EPB41L3: variants seen among roughly 807,000 people sequenced by gnomAD.
EPB41L3 encodes the protein band 4.1-like protein 3.
In EPB41L3, 57 loss-of-function variants were observed where a neutral mutation model predicts 127.1. That is an observed-to-expected ratio of 0.45 (90% CI 0.36 to 0.56). The LOEUF (loss-of-function observed/expected upper bound fraction) is 0.56, where lower values mean the gene tolerates loss of function less well. EPB41L3 is among the 20% of genes least tolerant of loss of function. The probability of loss-of-function intolerance (pLI) is 0.00; values close to 1 mark genes in which losing one functional copy is unlikely to be tolerated. For synonymous variants in EPB41L3, 572 were observed against 549.5 expected (o/e 1.04, Z -0.57); for missense variants, 1,273 against 1,372.2 (o/e 0.93, Z 1.14).
In EPB41L3 at chr18:5,604,977, C is replaced by T. The variant is rs572038750; in HGVS notation, c.-306+7363G>A. On this transcript the variant is annotated intron_variant, in intron 3 of 21. Transcript: ENST00000545076. ...TGCTAAAAGTGCTGCCAGCAGGTGGCCCTTAGCTGTCAACCATCTGTGGGG... is the reference window on the plus strand; with the variant it reads ...TGCTAAAAGTGCTGCCAGCAGGTGGTCCTTAGCTGTCAACCATCTGTGGGG... 2.6e-5 allele frequency among the ~76,000 whole-genome samples: 4 copies of T among 152,250 alleles called. No homozygotes were observed. The East Asian group carries it at 7.7e-4, about 29-fold the overall frequency.
chr18:5,487,302 T>C (rs117684838), intron 2 of EPB41L3, among the ~76,000 whole-genome samples: 5 of 151,938 alleles, frequency 3.3e-5, no homozygotes, highest in African/African-American at 4.8e-5. Context: ...GGGAGTAGAA[T>C]GGTGATTACG....
At chr18:5,456,807 G>A (rs1044427981) in intron 3 of EPB41L3, among the ~76,000 whole-genome samples, 3 of 152,172 alleles carry the variant, frequency 2.0e-5, no homozygotes, top group East Asian at 1.9e-4. Context: ...TTGCCCAGCC[G>A]TTCCCACTCC....
At chr18:5,540,339 C>A (rs2093685094) in intron 1 of EPB41L3, 1 of 985,124 alleles carries the variant, frequency 1.0e-6, no homozygotes, top group South Asian at 4.7e-5. Flanking sequence ...CCAAACAATA[C>A]CTCGCAATGC....
intron 1 of EPB41L3, among the ~76,000 whole-genome samples, chr18:5,495,116 A>C (rs146235170): frequency 2.6e-5 from 4 of 152,288 alleles, no homozygotes; most frequent in East Asian, 3.9e-4. Flanking sequence ...GTTGACAATA[A>C]AGGGTTGAGA....
intron 11 of EPB41L3, chr18:5,420,125 T>TA (rs1435739677): frequency 1.5e-5 from 10 of 669,558 alleles, no homozygotes; most frequent in Non-Finnish European, 2.4e-5. Context: ...ATGAGTGCTT[T>TA]AAAATTCGTG....
At chr18:5,538,909 C>T (rs1007979376) in intron 1 of EPB41L3, among the ~76,000 whole-genome samples, 4 of 151,824 alleles carry the variant, frequency 2.6e-5, no homozygotes, top group Non-Finnish European at 4.4e-5. Flanking sequence ...AAGAGGACCA[C>T]GCCATTAAAA....
intron 9 of EPB41L3, among the ~76,000 whole-genome samples, chr18:5,425,353 C>G (rs1472111207): frequency 6.6e-6 from 1 of 152,194 alleles, no homozygotes; most frequent in Non-Finnish European, 1.5e-5. Flanking sequence ...CTTATTCACT[C>G]TGGATGTTCA....
Position 5,506,090 on chromosome 18 carries a change from C to G in EPB41L3, c.-11-16896G>C, listed in dbSNP as rs548760571. Among the ~76,000 whole-genome samples, 26 of 152,110 alleles carry G rather than the reference C, an allele frequency of 1.7e-4. No homozygotes were observed. In the South Asian group the frequency reaches 5.4e-3, roughly 32 times the overall value. On this transcript the variant is annotated intron_variant, in intron 1 of 22. Coordinates refer to ENST00000341928, the MANE Select transcript of EPB41L3 (RefSeq NM_012307.5). ...ACATTACTTCCACCACTAGCCATCA[C>G]GCCTTCTCCTCGCCTACCACCTCAC...
Position 5,489,213 on chromosome 18 carries a change from G to A in EPB41L3, c.-11-19C>T, listed in dbSNP as rs748478314. On this transcript the variant is annotated intron_variant, in intron 1 of 22. Transcript: ENST00000341928. ...GATTGTTCTGCAAGCAGAAAAAAGG[G>A]AAGAGCAGGTCACTCCGTGCCACTA... The A allele has an allele frequency of 1.3e-5, 21 of 1,584,184 alleles. No individual in the cohort carries two copies. Among genetic ancestry groups the A allele is most frequent in the Middle Eastern group, 2.1e-4 (1 of 4,752 alleles).
intron 3 of EPB41L3, among the ~76,000 whole-genome samples, chr18:5,599,560 T>G (rs1052112629): frequency 3.3e-5 from 5 of 152,160 alleles, no homozygotes; most frequent in African/African-American, 1.2e-4. Flanking sequence ...CATGAAAGGG[T>G]TAACATCATC....
At chr18:5,441,620 C>T (rs373774435) in intron 5 of EPB41L3, among the ~76,000 whole-genome samples, 4 of 152,172 alleles carry the variant, frequency 2.6e-5, no homozygotes, top group Admixed American at 6.5e-5. Flanking sequence ...CGCACGCCAC[C>T]ATGCCCGGCT....
At chr18:5,528,928 T>C (rs1353722678) in intron 1 of EPB41L3, 1 of 152,186 alleles carries the variant, frequency 6.6e-6, no homozygotes, top group Non-Finnish European at 1.5e-5. Context: ...AACCATTGGA[T>C]TGAACTGAAG....
intron 3 of EPB41L3, among the ~76,000 whole-genome samples, chr18:5,469,774 T>A (rs938721875): frequency 3.1e-5 from 2 of 65,202 alleles, no homozygotes; most frequent in Non-Finnish European, 6.4e-5. Context: ...GTAGAATGAA[T>A]TTTTTTTTTT....
At position 5,543,192 on chromosome 18, in the gene EPB41L3, T is replaced by G. The variant is rs1378004679; in HGVS notation, c.-12+721A>C. 6.6e-6 allele frequency: 1 copy of G among 151,094 alleles called. No individual in the cohort carries two copies. The highest frequency in any genetic ancestry group is 1.5e-5 in the Non-Finnish European group (1 of 67,684). 9.4% of individuals were successfully genotyped at this position (151,094 alleles called of 1,614,324 possible). On this transcript the variant is annotated intron_variant, in intron 1 of 22. Transcript: ENST00000341928. This position sits in a 1 kb window ranked among gnomAD's most constrained non-coding sequence, Gnocchi z 5.2. The stretch of plus-strand genomic sequence containing the variant: ...TGCCCAGGCCCAGGGCAACCCCGCT[T>G]GGACGCTCCCTCCTCCTCCCCCACC...
intron 3 of EPB41L3, among the ~76,000 whole-genome samples, chr18:5,611,493 T>A (rs987806523): frequency 1.3e-5 from 2 of 152,214 alleles, no homozygotes; most frequent in Non-Finnish European, 2.9e-5. Flanking sequence ...TGTTGGTTAA[T>A]GTGTAGAGTT....
At chr18:5,538,573 A>G (rs1424054073) in intron 1 of EPB41L3, among the ~76,000 whole-genome samples, 3 of 152,272 alleles carry the variant, frequency 2.0e-5, no homozygotes, top group Non-Finnish European at 4.4e-5. Context: ...AAAAATGACC[A>G]AAGAAGAGAG....
At chr18:5,511,391 G>GGTT (rs2092505833) in intron 1 of EPB41L3, among the ~76,000 whole-genome samples, 2 of 59,796 alleles carry the variant, frequency 3.3e-5, no homozygotes, top group African/African-American at 1.4e-4. Context: ...AGGTATTTTG[G>GGTT]TTTTTTTTTT....
chr18:5,629,085 G>T (rs2094957711), upstream of EPB41L3: 1 of 152,284 alleles, frequency 6.6e-6, no homozygotes, highest in South Asian at 2.1e-4. Flanking sequence ...AGCCTCCACC[G>T]CAGGTCCTTA....
chr18:5,563,622 C>T (rs866720622), intron 3 of EPB41L3, among the ~76,000 whole-genome samples: 2 of 152,158 alleles, frequency 1.3e-5, no homozygotes, highest in East Asian at 1.9e-4. Context: ...GTGCTGACTG[C>T]ACCAACAGTC....
Sources: gnomAD v4.1 joint callset for allele counts (sites outside exome capture counted in the v4.1 genomes callset) on GRCh38, gnomAD v4.1.1 for gene constraint, Gnocchi (gnomAD v3.1) non-coding constraint, MANE v1.5 for transcripts, NCBI Gene and HGNC (gene_info 2026-07-23, HGNC 2026-07-21) for gene names.